The following ZNF723 variants were observed in gnomAD, a reference collection of about 807,000 sequenced individuals.
ZNF723 encodes the protein zinc finger protein 723.
A neutral mutation model predicts 9.4 loss-of-function variants in ZNF723; 5 were observed. The ratio of observed to expected loss-of-function variants is 0.53; its 90% CI spans 0.28 to 1.12. ZNF723 has a LOEUF of 1.12. ZNF723 is among the 50% of genes most tolerant of loss of function. The pLI is 0.10. For missense variants in ZNF723, 450 were observed against 501.5 expected, an observed-to-expected ratio of 0.90 and a Z score of 0.98; for synonymous variants, 158 against 168.8, an observed-to-expected ratio of 0.94 and a Z score of 0.49.
chr19:22,858,615 A>C lies in ZNF723; in HGVS notation c.*182A>C, dbSNP rs895504471. 3 of 426,780 alleles carry C rather than the reference A, an allele frequency of 7.0e-6. No homozygotes were observed. The highest frequency in any genetic ancestry group is 1.2e-5 in the Non-Finnish European group (3 of 244,476). 26.4% of individuals were successfully genotyped at this position (426,780 alleles called of 1,614,324 possible). A position where few individuals can be genotyped will look rare whatever the true frequency, so the allele number is the denominator to read the frequency against. ...AACGTCTCTACTAAAATACAAAAAA[A>C]ATTAGCCGGGTGTAGTGGTGGGCGC... On this transcript the variant is annotated 3_prime_UTR_variant, in exon 4 of 4. Coordinates refer to ENST00000600766, the MANE Select transcript of ZNF723 (RefSeq NM_001349726.2).
chr19:22,846,286 C>T (rs559837696), intron 1 of ZNF723, among the ~76,000 whole-genome samples: 9 of 152,122 alleles, frequency 5.9e-5, no homozygotes, highest in African/African-American at 2.2e-4. Context: ...ATTTGTGTTC[C>T]CCATTAGCAC....
At chr19:22,838,264 G>A (rs1967192991) in intron 1 of ZNF723, among the ~76,000 whole-genome samples, 1 of 152,026 alleles carries the variant, frequency 6.6e-6, no homozygotes, top group African/African-American at 2.4e-5. Context: ...TTAGAAATGA[G>A]AACATGGAGC....
intron 1 of ZNF723, among the ~76,000 whole-genome samples, chr19:22,835,033 C>T (rs1967147434): frequency 6.7e-6 from 1 of 150,198 alleles, no homozygotes; most frequent in South Asian, 2.1e-4. Context: ...ATGACTGAGA[C>T]ACATCTGTGT....
the ZNF723 span, among the ~76,000 whole-genome samples, chr19:22,822,683 A>G: frequency 0.013 from 2,055 of 152,262 alleles, 45 homozygotes; most frequent in African/African-American, 0.047. Context: ...TAACATGGTG[A>G]AACGCTGTCA....
chr19:22,843,643 G>A lies in ZNF723; in HGVS notation c.4-4618G>A, dbSNP rs1325981038. On this transcript the variant is annotated intron_variant, in intron 1 of 3. Transcript: ENST00000600766. ...CATATGGTTGATTCATTGAACAGAT[G>A]TGTGCAAAAAAATTTGCCTTTATTT... 2.0e-5 allele frequency among the ~76,000 whole-genome samples: 3 copies of A among 152,246 alleles called. No individual in the cohort carries two copies. In the East Asian group the frequency reaches 5.8e-4, roughly 29 times the overall value.
intron 3 of ZNF723, among the ~76,000 whole-genome samples, chr19:22,849,646 C>T (rs566567051): frequency 1.4e-4 from 22 of 152,268 alleles, no homozygotes; most frequent in African/African-American, 5.1e-4. Context: ...AAATGTCTCA[C>T]ACCAGTAAAC....
Position 22,857,741 on chromosome 19 carries a change from C to A in ZNF723, c.850C>A (p.Pro284Thr), listed in dbSNP as rs569117015. Residue 284 changes from proline to threonine, a missense_variant, in exon 4 of 4, where the codon CCC (proline) becomes ACC (threonine). By Grantham distance (38) the Pro-to-Thr change is conservative (BLOSUM62 -1). Coordinates refer to ENST00000600766, the MANE Select transcript of ZNF723 (RefSeq NM_001349726.2). The stretch of plus-strand genomic sequence containing the variant: ...TAAGAGAATTCACACTGGAGAGAAA[C>A]CCTACAAATGTAAAGAATGTGGCAA... Reference protein sequence around the residue: ...NHKRIHTGEKPYKCKECGKAF... With the variant: ...NHKRIHTGEKTYKCKECGKAF... The A allele has an allele frequency of 2.2e-5, 28 of 1,282,880 alleles. No individual in the cohort carries two copies. The African/African-American group carries it at 2.9e-4, about 13-fold the overall frequency. 79.5% of individuals were successfully genotyped at this position (1,282,880 alleles called of 1,614,324 possible).
At chr19:22,818,961 A>T in the ZNF723 span, among the ~76,000 whole-genome samples, 2 of 151,968 alleles carry the variant, frequency 1.3e-5, no homozygotes, top group Admixed American at 1.3e-4. Context: ...CTCTGCACCT[A>T]TTACTCAGGT....
chr19:22,817,962 C>A, the ZNF723 span, among the ~76,000 whole-genome samples: 1 of 152,138 alleles, frequency 6.6e-6, no homozygotes, highest in African/African-American at 2.4e-5. Flanking sequence ...ACAGAGCACA[C>A]TTCTGAGGTT....
At chr19:22,835,283 C>T (rs925064129) in intron 1 of ZNF723, among the ~76,000 whole-genome samples, 4 of 151,888 alleles carry the variant, frequency 2.6e-5, no homozygotes, top group Admixed American at 1.3e-4. Flanking sequence ...CTCAGGTAAT[C>T]CACCCGCTTC....
At chr19:22,820,131 A>G in the ZNF723 span, among the ~76,000 whole-genome samples, 2 of 152,040 alleles carry the variant, frequency 1.3e-5, no homozygotes, top group Non-Finnish European at 2.9e-5. Context: ...GCTGGGCCCA[A>G]CACCTAGGGG....
At chr19:22,830,930 T>C (rs1038987058), upstream of ZNF723, among the ~76,000 whole-genome samples, 4 of 151,982 alleles carry the variant, frequency 2.6e-5, no homozygotes, top group African/African-American at 9.7e-5. Flanking sequence ...GTCCGGCTAA[T>C]TTTTGTATTT....
At chr19:22,832,258 G>A, upstream of ZNF723, 1 of 1,067,452 alleles carries the variant, frequency 9.4e-7, no homozygotes, top group Non-Finnish European at 1.3e-6. Context: ...CGCAGCTAGA[G>A]CGGACAGGGC....
At chr19:22,853,586 A>G (rs1027414621) in intron 3 of ZNF723, among the ~76,000 whole-genome samples, 2 of 152,056 alleles carry the variant, frequency 1.3e-5, no homozygotes, top group Non-Finnish European at 1.5e-5. Flanking sequence ...GAAATTTGTT[A>G]AGACTTTTTT....
chr19:22,843,957 G>C (rs1295568664), intron 1 of ZNF723, among the ~76,000 whole-genome samples: 1 of 152,134 alleles, frequency 6.6e-6, no homozygotes, highest in Non-Finnish European at 1.5e-5. Flanking sequence ...GTGGCACAGA[G>C]AACAGAATTC....
chr19:22,819,226 A>C, the ZNF723 span, among the ~76,000 whole-genome samples: 1 of 152,216 alleles, frequency 6.6e-6, no homozygotes, highest in African/African-American at 2.4e-5. Context: ...CACAGGAGGC[A>C]ATGTGACTTA....
chr19:22,857,931 G>A lies in ZNF723; in HGVS notation c.1040G>A (p.Gly347Asp), dbSNP rs1967505510. The A allele has an allele frequency of 6.8e-7, 1 of 1,470,264 alleles. No individual in the cohort carries two copies. The allele number at this position is 1,470,264 out of a possible 1,614,324, so 91.1% of individuals were successfully genotyped here. Residue 347 changes from glycine (G) to aspartate (D), a missense_variant, in exon 4 of 4, where the codon GGC becomes GAC. Physicochemically the swap from Gly to Asp is moderately conservative, Grantham distance 94. Coordinates refer to ENST00000600766, the MANE Select transcript of ZNF723 (RefSeq NM_001349726.2). ...GEKLYKCEEC[G>D]KAFSQSSHIT... ...AAACTCTACAAATGTGAAGAATGTGGCAAAGCATTCAGCCAGTCCTCACAC... is the reference window on the plus strand; with the variant it reads ...AAACTCTACAAATGTGAAGAATGTGACAAAGCATTCAGCCAGTCCTCACAC...
At chr19:22,853,436 G>C (rs1163392793) in intron 3 of ZNF723, among the ~76,000 whole-genome samples, 1 of 151,890 alleles carries the variant, frequency 6.6e-6, no homozygotes, top group Admixed American at 6.6e-5. Flanking sequence ...AATTATTTCA[G>C]TTTTTGAATA....
At position 22,858,386 on chromosome 19, in the gene ZNF723, CATAAG is replaced by C. The variant is rs1001194763; in HGVS notation, c.1500_1504del (p.Lys500AsnfsTer4). On this transcript the variant is annotated frameshift_variant, in exon 4 of 4. Coordinates refer to ENST00000600766, the MANE Select transcript of ZNF723 (RefSeq NM_001349726.2). LOFTEE classifies it low-confidence loss of function (END_TRUNC). ...TAACAAGTCCTCAATTCTTAACAGA[CATAAG>C]ATAATTCATACTAAAGAGAAATCAC... 3 of 816,954 alleles carry C rather than the reference CATAAG, an allele frequency of 3.7e-6. No homozygotes were observed. In the African/African-American group the frequency reaches 5.2e-5, roughly 14 times the overall value. 50.6% of individuals were successfully genotyped at this position (816,954 alleles called of 1,614,324 possible).
Sources: gnomAD v4.1 joint callset for allele counts (sites outside exome capture counted in the v4.1 genomes callset) on GRCh38, gnomAD v4.1.1 for gene constraint, MANE v1.5 for transcripts, NCBI Gene and HGNC (gene_info 2026-07-23, HGNC 2026-07-21) for gene names.